Variants in TAB3 observed in about 807,000 individuals in gnomAD.
The protein encoded by TAB3 is TGF-beta activated kinase 1 (MAP3K7) binding protein 3, also known as TGF-beta-activated kinase 1 and MAP3K7-binding protein 3.
Under a neutral mutation model 48.1 loss-of-function variants are expected in TAB3, and 18 were observed. That is an observed-to-expected ratio of 0.37 (90% CI 0.26 to 0.55). TAB3 has a LOEUF of 0.55. TAB3 is among the 20% of genes least tolerant of loss of function. The pLI is 0.78. For synonymous variants in TAB3, 185 were observed against 190.2 expected (o/e 0.97, Z 0.22); for missense variants, 414 against 549.8 (o/e 0.75, Z 2.47).
intron 4 of TAB3, among the ~76,000 whole-genome samples, chrX:30,863,386 AATT>A (rs1939307951): frequency 8.9e-6 from 1 of 112,216 alleles, no homozygotes; most frequent in African/African-American, 3.2e-5. Context: ...CCAGCCAATA[AATT>A]AAGTCAATGA....
Position 30,846,596 on chromosome X carries a change from T to G in TAB3, c.1759A>C (p.Asn587His). 8.3e-7 allele frequency: 1 copy of G among 1,205,022 alleles called. No homozygotes were observed. Among genetic ancestry groups the G allele is most frequent in the Non-Finnish European group, 1.1e-6 (1 of 891,386 alleles). ...LRSMNRQLQI[N>H]VDCTLKEVDL... ...ACTTCTTTCAGTGTACAGTCAACAT[T>G]TATCTGGAGTTGTCTGTTCATGCTT... The change falls in exon 8 of 11, where the codon AAT (asparagine) becomes CAT (histidine). Residue 587 changes from asparagine to histidine, a missense_variant. Asn to His is a moderately conservative substitution (Grantham distance 68). Transcript: ENST00000288422.
At position 30,854,918 on chromosome X, in the gene TAB3, C is replaced by A. The variant is rs201728663; in HGVS notation, c.747G>T (p.Pro249=). 7.5e-6 allele frequency: 9 copies of A among 1,206,872 alleles called. No homozygotes were observed. In the East Asian group the frequency reaches 2.7e-4, roughly 36 times the overall value. ...CTGGGCCCTGTGGTGAGGACTGCCA[C>A]GGCGTACTCTGAGGAGTTTGTCTTC... ...SSGRQTPQST[P]WQSSPQGPVP... is the part of the protein sequence containing the mutation. Residue 249 remains proline, a synonymous_variant, in exon 6 of 11, where the codon CCG becomes CCT. Coordinates refer to ENST00000288422, the MANE Select transcript of TAB3 (RefSeq NM_152787.5).
intron 2 of TAB3, among the ~76,000 whole-genome samples, chrX:30,868,444 ATATAGCT>A (rs1939520908): frequency 1.5e-4 from 8 of 52,622 alleles, no homozygotes; most frequent in East Asian, 5.7e-4. Context: ...TAGCTTATAT[ATATAGCT>A]TATATATATA....
intron 1 of TAB3, among the ~76,000 whole-genome samples, chrX:30,873,419 G>GGA (rs1349223892): frequency 9.3e-6 from 1 of 107,862 alleles, no homozygotes; most frequent in African/African-American, 3.4e-5. Context: ...CAGCTACTCG[G>GGA]GAGGCTGAGG....
Position 30,842,987 on chromosome X carries a change from G to T in TAB3, c.1867C>A (p.Pro623Thr). The T allele has an allele frequency of 8.5e-7, 1 of 1,181,792 alleles. No homozygotes were observed. The highest frequency in any genetic ancestry group is 1.1e-6 in the Non-Finnish European group (1 of 877,319). ...YDNIEPGPVVPPKPSKKDSSD... is the reference protein window; with the variant it reads ...YDNIEPGPVVTPKPSKKDSSD... ...TCACCTTTTTTAGATGGCTTGGGTG[G>T]TACAACTGGGCCAGGTTCTATGTTG... Residue 623 changes from proline (P) to threonine (T), a missense_variant, in exon 9 of 11, where the codon CCA becomes ACA. By Grantham distance (38) the Pro-to-Thr change is conservative. Transcript: ENST00000288422.
At chrX:30,835,708 C>T (rs1024651123) in intron 9 of TAB3, 2 of 112,329 alleles carry the variant, frequency 1.8e-5, no homozygotes, top group Non-Finnish European at 3.8e-5. Flanking sequence ...CTGAAGAGCA[C>T]GTACACACTG....
At position 30,830,756 on chromosome X, in the gene TAB3, C is replaced by G. The variant is rs1569199567; in HGVS notation, c.*671G>C. ...ATCACACTGTACAAGCCAAAGGCAT[C>G]TTACCACCTCTGATTGTACTTTTAA... On this transcript the variant is annotated 3_prime_UTR_variant, in exon 11 of 11. Transcript: ENST00000288422. 2 of 112,023 alleles carry G rather than the reference C, an allele frequency of 1.8e-5. No individual in the cohort carries two copies. The highest frequency in any genetic ancestry group is 3.8e-5 in the Non-Finnish European group (2 of 53,212). The allele number at this position is 112,023 out of a possible 1,213,427, so 9.2% of individuals were successfully genotyped here.
In TAB3 at chrX:30,830,124, A is replaced by C. The variant is rs1355979052; in HGVS notation, c.*1303T>G. On this transcript the variant is annotated 3_prime_UTR_variant, in exon 11 of 11. Transcript: ENST00000288422. Reference sequence around the variant, plus strand: ...TCTCTTATCCGCACCCTGAAGTTCTATTTCATAAATAAGGAGTGCTTTAAA... The same window carrying C: ...TCTCTTATCCGCACCCTGAAGTTCTCTTTCATAAATAAGGAGTGCTTTAAA... 1 of 111,467 alleles carries C rather than the reference A, an allele frequency of 9.0e-6. No homozygotes were observed. The highest frequency in any genetic ancestry group is 1.9e-5 in the Non-Finnish European group (1 of 53,142). 9.2% of individuals were successfully genotyped at this position (111,467 alleles called of 1,213,427 possible). A position where few individuals can be genotyped will look rare whatever the true frequency, so the allele number is the denominator to read the frequency against.
chrX:30,834,198 A>G (rs1442554757), intron 9 of TAB3, 46 bp from the exon 10 acceptor site: 1 of 1,105,985 alleles, frequency 9.0e-7, no homozygotes, highest in Admixed American at 2.3e-5. Flanking sequence ...CCAGTCTTTC[A>G]ACTGCAAGAG....
In TAB3 at chrX:30,829,590, T is replaced by G. The variant is rs1937968974; in HGVS notation, c.*1837A>C. 1 of 111,858 alleles carries G rather than the reference T, an allele frequency of 8.9e-6. No individual in the cohort carries two copies. The highest frequency in any genetic ancestry group is 3.8e-4 in the South Asian group (1 of 2,629). 9.2% of individuals were successfully genotyped at this position (111,858 alleles called of 1,213,427 possible). On this transcript the variant is annotated 3_prime_UTR_variant, in exon 11 of 11. Transcript: ENST00000288422. ...CCCATCTGCTTTCTCACCGTTATTTTCACAGTTTTGCCACAGTTGTTGTGT... is the reference window on the plus strand; with the variant it reads ...CCCATCTGCTTTCTCACCGTTATTTGCACAGTTTTGCCACAGTTGTTGTGT...
In TAB3 at chrX:30,854,918, C is replaced by T. The variant is rs201728663; in HGVS notation, c.747G>A (p.Pro249=). The T allele has an allele frequency of 1.7e-4, 210 of 1,206,872 alleles. 2 individuals are homozygous for T. In the South Asian group the frequency reaches 3.5e-3, roughly 20 times the overall value. Residue 249 remains proline (P), a synonymous_variant, in exon 6 of 11, where the codon CCG becomes CCA. Transcript: ENST00000288422. ...CTGGGCCCTGTGGTGAGGACTGCCA[C>T]GGCGTACTCTGAGGAGTTTGTCTTC... ...SSGRQTPQST[P]WQSSPQGPVP...
chrX:30,856,947 G>C (rs911311141), intron 5 of TAB3, among the ~76,000 whole-genome samples: 3 of 111,098 alleles, frequency 2.7e-5, no homozygotes, highest in African/African-American at 9.8e-5. Flanking sequence ...AAGGATGTCT[G>C]GCCAAAAGGA....
chrX:30,845,100 C>T (rs1254638662), intron 8 of TAB3: 2 of 112,795 alleles, frequency 1.8e-5, no homozygotes, highest in African/African-American at 3.2e-5. Flanking sequence ...GCTGGGAATA[C>T]AGGCATGAGC....
At chrX:30,835,432 C>G (rs1432181725) in intron 9 of TAB3, 2 of 116,733 alleles carry the variant, frequency 1.7e-5, no homozygotes, top group East Asian at 5.6e-4. Context: ...CTCACTAACT[C>G]TTACAACCTT....
At chrX:30,834,261 C>T (rs1266204373) in intron 9 of TAB3, 109 bp from the exon 10 acceptor site, 1 of 630,798 alleles carries the variant, frequency 1.6e-6, no homozygotes, top group African/African-American at 2.2e-5. Flanking sequence ...GTGCATTTAC[C>T]CTACCTATTA....
chrX:30,830,922 C>CCT lies in TAB3; in HGVS notation c.*504_*505insAG, dbSNP rs1202143073. ...ACCCTTAATTAATTTGCCCCCCCCC[C>CCT]CCAAATATTCTAGGTGCTTTTTCCT... On this transcript the variant is annotated 3_prime_UTR_variant, in exon 11 of 11. Coordinates refer to ENST00000288422, the MANE Select transcript of TAB3 (RefSeq NM_152787.5). 4 of 85,422 alleles carry CCT rather than the reference C, an allele frequency of 4.7e-5. No homozygotes were observed. The highest frequency in any genetic ancestry group is 8.1e-5 in the African/African-American group (2 of 24,763). The allele number at this position is 85,422 out of a possible 1,213,427, so 7.0% of individuals were successfully genotyped here.
chrX:30,858,099 G>T (rs1400334935), intron 5 of TAB3, among the ~76,000 whole-genome samples: 1 of 111,792 alleles, frequency 8.9e-6, no homozygotes, highest in East Asian at 2.8e-4. Context: ...CCCAAAGGAA[G>T]AAAAAAGTGA....
chrX:30,884,749 A>T, intron 1 of TAB3, among the ~76,000 whole-genome samples: 1 of 112,290 alleles, frequency 8.9e-6, no homozygotes, highest in South Asian at 3.7e-4. Flanking sequence ...TGAACATCAC[A>T]AACAGTGGTA....
Position 30,854,877 on chromosome X carries a change from T to G in TAB3, c.788A>C (p.Gln263Pro), listed in dbSNP as rs1939005561. The G allele has an allele frequency of 8.3e-7, 1 of 1,210,892 alleles. No individual in the cohort carries two copies. The highest frequency in any genetic ancestry group is 1.1e-6 in the Non-Finnish European group (1 of 895,072). The change falls in exon 6 of 11, where the codon CAG (glutamine) becomes CCG (proline). Residue 263 changes from glutamine to proline, a missense_variant. Physicochemically the swap from Gln to Pro is moderately conservative, Grantham distance 76. Coordinates refer to ENST00000288422, the MANE Select transcript of TAB3 (RefSeq NM_152787.5). Reference sequence around the variant, plus strand: ...GTGTGGATAAACAGGTAAAGGACGCTGGCTATAGTGAGGCACTGGGCCCTG... The same window carrying G: ...GTGTGGATAAACAGGTAAAGGACGCGGGCTATAGTGAGGCACTGGGCCCTG... Reference protein sequence around the residue: ...SPQGPVPHYSQRPLPVYPHQQ... With the variant: ...SPQGPVPHYSPRPLPVYPHQQ...
Sources: gnomAD v4.1 joint callset for allele counts (sites outside exome capture counted in the v4.1 genomes callset) on GRCh38, gnomAD v4.1.1 for gene constraint, MANE v1.5 for transcripts, NCBI Gene and HGNC (gene_info 2026-07-23, HGNC 2026-07-21) for gene names.